KIF21A: variants seen among roughly 807,000 people sequenced by gnomAD.
KIF21A encodes kinesin family member 21A.
KIF21A carries 114 observed loss-of-function variants against 202.9 expected under a neutral mutation model. The observed-to-expected ratio is 0.56, with a 90% CI of 0.48 to 0.66. The LOEUF is 0.66. Ranked by LOEUF, KIF21A falls within the 30% of genes least tolerant of loss-of-function variation. The pLI is 0.00. For missense variants in KIF21A, 1,677 were observed against 1,994.9 expected, an observed-to-expected ratio of 0.84 and a Z score of 3.04; for synonymous variants, 667 against 670.8, an observed-to-expected ratio of 0.99 and a Z score of 0.09.
chr12:39,326,166 G>T, intron 25 of KIF21A, 98 bp downstream of exon 25: 1 of 970,812 alleles, frequency 1.0e-6, no homozygotes, highest in Non-Finnish European at 1.6e-6. Flanking sequence ...CCATTAGATT[G>T]AAAATTATTT....
chr12:39,296,527 A>G (rs551925686), intron 37 of KIF21A, among the ~76,000 whole-genome samples: 17 of 152,224 alleles, frequency 1.1e-4, no homozygotes, highest in African/African-American at 3.1e-4. Context: ...ACAGGGGTGG[A>G]AAAAAAAGGA....
At chr12:39,399,709 C>T (rs1592552368) in intron 1 of KIF21A, among the ~76,000 whole-genome samples, 1 of 152,166 alleles carries the variant, frequency 6.6e-6, no homozygotes, top group Non-Finnish European at 1.5e-5. Flanking sequence ...TGAGGCCAGG[C>T]ATACTTGCCC....
In KIF21A at chr12:39,416,938, A is replaced by T. The variant is rs185114320; in HGVS notation, c.44+25989T>A. The stretch of plus-strand genomic sequence containing the variant: ...ACACACATATAAATAAAAAAATTTT[A>T]AAAAACCTTGAGGATTCACTCTCTA... On this transcript the variant is annotated intron_variant, in intron 1 of 37. Transcript: ENST00000361418. 1.9e-3 allele frequency among the ~76,000 whole-genome samples: 285 copies of T among 150,848 alleles called. 2 individuals are homozygous for T. The highest frequency in any genetic ancestry group is 3.3e-3 in the Non-Finnish European group (221 of 67,746).
intron 24 of KIF21A, among the ~76,000 whole-genome samples, chr12:39,327,556 T>C (rs891862104): frequency 2.0e-5 from 3 of 152,234 alleles, no homozygotes; most frequent in African/African-American, 7.2e-5. Context: ...CTAGTATTTT[T>C]CTTGCACAGT....
intron 1 of KIF21A, among the ~76,000 whole-genome samples, chr12:39,399,908 A>G (rs1952038680): frequency 6.6e-6 from 1 of 152,186 alleles, no homozygotes; most frequent in African/African-American, 2.4e-5. Flanking sequence ...ATGTGACTCC[A>G]CCCCAATTAA....
intron 1 of KIF21A, among the ~76,000 whole-genome samples, chr12:39,387,742 A>G (rs1381311526): frequency 6.6e-6 from 1 of 152,156 alleles, no homozygotes; most frequent in Non-Finnish European, 1.5e-5. Flanking sequence ...AAGAATCCAC[A>G]TCAGAACTTG....
chr12:39,377,583 G>A (rs747879250), intron 1 of KIF21A, among the ~76,000 whole-genome samples: 2 of 152,014 alleles, frequency 1.3e-5, no homozygotes, highest in Admixed American at 6.6e-5. Context: ...CTAAGAGATC[G>A]GGCACTGCAT....
intron 4 of KIF21A, 21 bp from the exon 5 acceptor site, chr12:39,367,185 A>C (rs200573327): frequency 3.4e-5 from 55 of 1,613,550 alleles, no homozygotes; most frequent in Non-Finnish European, 4.6e-5. Flanking sequence ...GGAAGAAACA[A>C]GGACTTTACT....
intron 26 of KIF21A, among the ~76,000 whole-genome samples, chr12:39,323,904 A>G (rs931231831): frequency 7.2e-5 from 11 of 152,000 alleles, no homozygotes; most frequent in African/African-American, 2.7e-4. Context: ...AGGTCAGGAG[A>G]TTGAGACCCT....
chr12:39,365,010 A>AT (rs1949501006), intron 6 of KIF21A, among the ~76,000 whole-genome samples: 1 of 152,042 alleles, frequency 6.6e-6, no homozygotes. Flanking sequence ...ATGTTTGGAT[A>AT]TTTTTTTAGA....
At position 39,315,224 on chromosome 12, in the gene KIF21A, C is replaced by T. The variant is rs904093891; in HGVS notation, c.3959+5G>A. On this transcript the variant is annotated splice_donor_5th_base_variant and intron_variant, in intron 31 of 37. Transcript: ENST00000361418. ...AATTAATTTCCTCTCCCTTCCCCTG[C>T]CTACCTTCTGGAGGATCTGCTGATG... 1 of 1,611,808 alleles carries T rather than the reference C, an allele frequency of 6.2e-7. No individual in the cohort carries two copies. The highest frequency in any genetic ancestry group is 8.5e-7 in the Non-Finnish European group (1 of 1,178,468).
At chr12:39,426,881 TAAA>T (rs10718392) in intron 1 of KIF21A, among the ~76,000 whole-genome samples, 5 of 132,982 alleles carry the variant, frequency 3.8e-5, no homozygotes, top group Admixed American at 7.6e-5. Flanking sequence ...GAGACTCTGT[TAAA>T]AAAAAAAAAA....
At chr12:39,340,406 CACAGATTTTTATT>C in intron 15 of KIF21A, 42 bp from the exon 16 acceptor site, 2 of 1,442,396 alleles carry the variant, frequency 1.4e-6, no homozygotes, top group Non-Finnish European at 1.9e-6. Flanking sequence ...TTTTGTGAGA[CACAGATTTTTATT>C]TCACAGATTT....
chr12:39,414,218 T>C (rs1226275671), intron 1 of KIF21A, among the ~76,000 whole-genome samples: 1 of 152,206 alleles, frequency 6.6e-6, no homozygotes, highest in Middle Eastern at 3.2e-3. Flanking sequence ...GGAATGGTCA[T>C]ATAAAGATTA....
chr12:39,303,668 C>T (rs1023929262), intron 35 of KIF21A, among the ~76,000 whole-genome samples: 4 of 151,682 alleles, frequency 2.6e-5, no homozygotes, highest in Admixed American at 6.6e-5. Context: ...ATGATATGTT[C>T]AATAATAAAA....
intron 3 of KIF21A, among the ~76,000 whole-genome samples, chr12:39,369,003 A>G (rs1052232804): frequency 6.6e-6 from 1 of 152,156 alleles, no homozygotes; most frequent in African/African-American, 2.4e-5. Context: ...TTATATCAAA[A>G]CATCTGTCTA....
chr12:39,415,386 C>T (rs1036572702), intron 1 of KIF21A, among the ~76,000 whole-genome samples: 2 of 151,666 alleles, frequency 1.3e-5, no homozygotes, highest in African/African-American at 4.8e-5. Context: ...ACTACAGGCG[C>T]CCGCCACCAC....
chr12:39,355,527 G>A (rs1170204335), intron 10 of KIF21A, among the ~76,000 whole-genome samples: 1 of 151,668 alleles, frequency 6.6e-6, no homozygotes, highest in Non-Finnish European at 1.5e-5. Flanking sequence ...TGTGTCTCAA[G>A]GAGTGGTAAA....
At chr12:39,344,327 A>T (rs1430295152) in intron 12 of KIF21A, among the ~76,000 whole-genome samples, 4 of 152,200 alleles carry the variant, frequency 2.6e-5, no homozygotes, top group Admixed American at 2.6e-4. Context: ...AAACAGTGCT[A>T]TACTTGAGGT....
Sources: allele counts gnomAD v4.1 joint callset (sites outside exome capture counted in the v4.1 genomes callset), GRCh38; gene constraint gnomAD v4.1.1; transcripts MANE v1.5; gene names NCBI Gene and HGNC (gene_info 2026-07-23, HGNC 2026-07-21).